The following ACTL6A variants were observed in gnomAD, a reference collection of about 807,000 sequenced individuals.
ACTL6A encodes actin like 6A.
In ACTL6A, 5 loss-of-function variants were observed where a neutral mutation model predicts 59.2. That is an observed-to-expected ratio of 0.08 (90% CI 0.04 to 0.18). The LOEUF (loss-of-function observed/expected upper bound fraction) is 0.18, where lower values mean the gene tolerates loss of function less well. Ranked by LOEUF, ACTL6A falls within the 10% of genes least tolerant of loss-of-function variation. The probability of loss-of-function intolerance (pLI) is 1.00; values close to 1 mark genes in which losing one functional copy is unlikely to be tolerated. For synonymous variants in ACTL6A, 154 were observed against 171.8 expected, an observed-to-expected ratio of 0.90 and a Z score of 0.81; for missense variants, 285 against 526.9, an observed-to-expected ratio of 0.54 and a Z score of 4.49.
intron 4 of ACTL6A, among the ~76,000 whole-genome samples, chr3:179,574,169 A>G (rs1172276084): frequency 6.6e-6 from 1 of 152,158 alleles, no homozygotes; most frequent in East Asian, 1.9e-4. Flanking sequence ...TAGATTTATT[A>G]AATTTAATCT....
chr3:179,575,436 A>AC (rs1718139398), intron 5 of ACTL6A: 2 of 456,576 alleles, frequency 4.4e-6, no homozygotes, highest in Non-Finnish European at 4.4e-6. Flanking sequence ...AAACAGGATA[A>AC]CCTTCAGGGA....
At chr3:179,567,438 TA>T (rs1717869255) in intron 1 of ACTL6A, among the ~76,000 whole-genome samples, 1 of 152,118 alleles carries the variant, frequency 6.6e-6, no homozygotes, top group African/African-American at 2.4e-5. Flanking sequence ...TCTGAGGTAC[TA>T]GGGGTTAGGA....
At chr3:179,572,526 C>G (rs545875759) in intron 3 of ACTL6A, among the ~76,000 whole-genome samples, 30 of 152,296 alleles carry the variant, frequency 2.0e-4, no homozygotes, top group African/African-American at 6.7e-4. Context: ...TCATTAGTGG[C>G]TGGGGGCGGT....
intron 1 of ACTL6A, among the ~76,000 whole-genome samples, chr3:179,567,283 T>C (rs1296228732): frequency 6.6e-6 from 1 of 152,164 alleles, no homozygotes; most frequent in African/African-American, 2.4e-5. Context: ...GAAGAATCAC[T>C]TGAACCCCGG....
At chr3:179,587,816 T>C (rs563757623) in intron 13 of ACTL6A, 114 bp from the exon 14 acceptor site, 20 of 738,660 alleles carry the variant, frequency 2.7e-5, no homozygotes, top group East Asian at 2.7e-4. Context: ...AATCACGCCA[T>C]TGCACTCCAG....
At position 179,570,008 on chromosome 3, in the gene ACTL6A, G is replaced by A; in HGVS notation, c.103-59G>A. On this transcript the variant is annotated intron_variant, in intron 2 of 13. Transcript: ENST00000429709. The surrounding 1 kb of genome is among the most constrained non-coding windows in gnomAD (Gnocchi z 4.3). ...AATATAATAAAATACATTAATTGGG[G>A]AAAAAATGCCTTCTTGATGAAAGGT... The A allele has an allele frequency of 6.3e-7, 1 of 1,580,914 alleles. No individual in the cohort carries two copies. Among genetic ancestry groups the A allele is most frequent in the Non-Finnish European group, 8.6e-7 (1 of 1,163,750 alleles).
rs2108369698 is a variant in ACTL6A, at chr3:179,583,456, C to A, written c.1122+8C>A. ...TCTCAGAAAACTCCTCCAGTAAGTTCTGTTTGTTCTTTAATGGTATTCTTC... is the reference window on the plus strand; with the variant it reads ...TCTCAGAAAACTCCTCCAGTAAGTTATGTTTGTTCTTTAATGGTATTCTTC... On this transcript the variant is annotated splice_region_variant and intron_variant, in intron 12 of 13. Transcript: ENST00000429709. The A allele has an allele frequency of 6.3e-7, 1 of 1,596,262 alleles. No homozygotes were observed. Among genetic ancestry groups the A allele is most frequent in the Non-Finnish European group, 8.6e-7 (1 of 1,165,306 alleles).
At position 179,578,271 on chromosome 3, in the gene ACTL6A, A is replaced by G. The variant is rs371774918; in HGVS notation, c.768+1358A>G. Among the ~76,000 whole-genome samples the G allele has an allele frequency of 3.9e-5, 6 of 152,174 alleles. No homozygotes were observed. The East Asian group carries it at 9.6e-4, about 24-fold the overall frequency. ...GGAGTTGGAGACCAGCCTGGCCAAC[A>G]TGGTGAAGCCCTGTCTCTAAAAATA... On this transcript the variant is annotated intron_variant, in intron 8 of 13. Coordinates refer to ENST00000429709, the MANE Select transcript of ACTL6A (RefSeq NM_004301.5).
intron 1 of ACTL6A, among the ~76,000 whole-genome samples, chr3:179,566,269 C>G (rs1717831892): frequency 6.6e-6 from 1 of 152,096 alleles, no homozygotes; most frequent in Admixed American, 6.5e-5. Flanking sequence ...TTGGAATTAT[C>G]AGTATTTAGG....
At chr3:179,569,025 A>G (rs573271303) in intron 1 of ACTL6A, among the ~76,000 whole-genome samples, 120 of 152,346 alleles carry the variant, frequency 7.9e-4, no homozygotes, top group Non-Finnish European at 1.5e-3. Context: ...GTGTAATTCT[A>G]TGTATGCACA....
chr3:179,579,766 C>T (rs1400910762), intron 8 of ACTL6A, among the ~76,000 whole-genome samples: 9 of 152,068 alleles, frequency 5.9e-5, no homozygotes, highest in African/African-American at 1.7e-4. Context: ...CCAGCCTGGA[C>T]GACAAGAGCA....
intron 12 of ACTL6A, among the ~76,000 whole-genome samples, chr3:179,585,033 C>T (rs1191682543): frequency 6.6e-6 from 1 of 152,120 alleles, no homozygotes; most frequent in Non-Finnish European, 1.5e-5. Flanking sequence ...TTTCTAAATT[C>T]TTGGAGATCT....
At chr3:179,586,250 C>T (rs1158332430) in intron 12 of ACTL6A, among the ~76,000 whole-genome samples, 1 of 152,046 alleles carries the variant, frequency 6.6e-6, no homozygotes, top group African/African-American at 2.4e-5. Flanking sequence ...CTAACCTATG[C>T]TTGTTATCTT....
At chr3:179,586,362 T>C (rs893490177) in intron 12 of ACTL6A, 184 bp from the exon 13 acceptor site, 10 of 448,510 alleles carry the variant, frequency 2.2e-5, no homozygotes, top group East Asian at 1.7e-4. Flanking sequence ...AAGTGGCTCA[T>C]GCATGTAATC....
chr3:179,583,546 T>A (rs1718396739), intron 12 of ACTL6A, 98 bp downstream of exon 12: 1 of 868,466 alleles, frequency 1.2e-6, no homozygotes, highest in East Asian at 2.5e-5. Context: ...AATAGATACA[T>A]GATATTTTGT....
chr3:179,572,876 A>C (rs1036033879), intron 3 of ACTL6A, among the ~76,000 whole-genome samples: 1 of 152,216 alleles, frequency 6.6e-6, no homozygotes, highest in Non-Finnish European at 1.5e-5. Context: ...GTGGAAGCCA[A>C]ATTGAAGACA....
At chr3:179,578,213 G>C (rs1259409593) in intron 8 of ACTL6A, among the ~76,000 whole-genome samples, 1 of 152,214 alleles carries the variant, frequency 6.6e-6, no homozygotes, top group African/African-American at 2.4e-5. Context: ...CCAGCACTTG[G>C]GGAGGCCGAG....
chr3:179,587,847 C>G, intron 13 of ACTL6A, 83 bp from the exon 14 acceptor site: 1 of 1,058,070 alleles, frequency 9.5e-7, no homozygotes. Context: ...AGAGCAAGAC[C>G]TTCTCTCAAA....
chr3:179,563,240 C>A, intron 1 of ACTL6A, 123 bp downstream of exon 1: 1 of 1,429,014 alleles, frequency 7.0e-7, no homozygotes, highest in Non-Finnish European at 9.3e-7. Context: ...ACCCCGGCCT[C>A]CCCGCCCCGT....
Sources: gnomAD v4.1 joint callset for allele counts (sites outside exome capture counted in the v4.1 genomes callset) on GRCh38, gnomAD v4.1.1 for gene constraint, Gnocchi (gnomAD v3.1) non-coding constraint, MANE v1.5 for transcripts, NCBI Gene and HGNC (gene_info 2026-07-23, HGNC 2026-07-21) for gene names.